Variants in DOCK3 observed in about 807,000 individuals in gnomAD.
DOCK3 encodes dedicator of cytokinesis protein 3.
DOCK3 carries 60 observed loss-of-function variants against 265.6 expected under a neutral mutation model. That is an observed-to-expected ratio of 0.23 (90% CI 0.18 to 0.28). The LOEUF (loss-of-function observed/expected upper bound fraction) is 0.28. DOCK3 is among the 10% of genes least tolerant of loss of function. The pLI is 1.00. For missense variants in DOCK3, 1,981 were observed against 2,594.3 expected (o/e 0.76, Z 5.14); for synonymous variants, 881 against 938.0 (o/e 0.94, Z 1.11).
At chr3:50,979,821 T>G (rs1444872572) in intron 5 of DOCK3, among the ~76,000 whole-genome samples, 1 of 152,252 alleles carries the variant, frequency 6.6e-6, no homozygotes, top group East Asian at 1.9e-4. Context: ...ACAACTTGAC[T>G]GAATTCATTT....
At position 50,882,084 on chromosome 3, in the gene DOCK3, T is replaced by A. The variant is rs182272549; in HGVS notation, c.163-7942T>A. Among the ~76,000 whole-genome samples, 31 of 152,218 alleles carry A rather than the reference T, an allele frequency of 2.0e-4. No homozygotes were observed. The East Asian group carries it at 6.0e-3, about 29-fold the overall frequency. ...CCATACATAGAAAGCTGAAACTGGA[T>A]CCCTTCCTTACACCTTTTACAAGAA... is the stretch of plus-strand genomic sequence containing the variant. On this transcript the variant is annotated intron_variant, in intron 3 of 52. Transcript: ENST00000266037.
intron 1 of DOCK3, among the ~76,000 whole-genome samples, chr3:50,767,030 A>G (rs1263031552): frequency 6.6e-6 from 1 of 152,030 alleles, no homozygotes; most frequent in African/African-American, 2.4e-5. Flanking sequence ...CCTTTGTCAG[A>G]TGGGTAGATT....
chr3:50,993,960 A>G (rs1268223599), intron 5 of DOCK3, among the ~76,000 whole-genome samples: 1 of 152,196 alleles, frequency 6.6e-6, no homozygotes, highest in Admixed American at 6.5e-5. Context: ...ATACAGGTCT[A>G]GAAAAGGCTA....
chr3:50,715,704 A>G (rs887041404), intron 1 of DOCK3, among the ~76,000 whole-genome samples: 2 of 152,192 alleles, frequency 1.3e-5, no homozygotes, highest in African/African-American at 4.8e-5. Flanking sequence ...CTGACTGCCC[A>G]TAGTTCCAAC....
intron 1 of DOCK3, among the ~76,000 whole-genome samples, chr3:50,695,087 C>T (rs907352997): frequency 3.3e-5 from 5 of 152,188 alleles, no homozygotes; most frequent in African/African-American, 9.7e-5. Flanking sequence ...TTTTTAGAAG[C>T]TTCTACATAT....
At chr3:50,875,976 G>C (rs758807003) in intron 3 of DOCK3, among the ~76,000 whole-genome samples, 9 of 151,888 alleles carry the variant, frequency 5.9e-5, no homozygotes, top group African/African-American at 1.2e-4. Flanking sequence ...AGCTCTACTG[G>C]AGCATTAAAA....
intron 22 of DOCK3, among the ~76,000 whole-genome samples, chr3:51,247,950 G>C (rs914167170): frequency 6.6e-6 from 1 of 152,212 alleles, no homozygotes; most frequent in African/African-American, 2.4e-5. Flanking sequence ...AAATGCAAAA[G>C]ATTCTATATG....
chr3:51,373,078 A>G (rs2087814917), intron 49 of DOCK3, among the ~76,000 whole-genome samples: 2 of 152,220 alleles, frequency 1.3e-5, no homozygotes, highest in African/African-American at 4.8e-5. Context: ...CATTACTGGT[A>G]TTTATTACGC....
At chr3:51,312,197 G>A (rs2083105377) in intron 29 of DOCK3, 118 bp downstream of exon 29, 1 of 944,652 alleles carries the variant, frequency 1.1e-6, no homozygotes, top group Admixed American at 2.2e-5. Flanking sequence ...TTCCAAGCCT[G>A]ATGATGATTA....
Position 50,785,904 on chromosome 3 carries a change from G to A in DOCK3, c.121+7146G>A, listed in dbSNP as rs542478024. Among the ~76,000 whole-genome samples the A allele has an allele frequency of 1.9e-4, 29 of 150,976 alleles. No homozygotes were observed. The South Asian group carries it at 5.0e-3, about 26-fold the overall frequency. On this transcript the variant is annotated intron_variant, in intron 2 of 52. Coordinates refer to ENST00000266037, the MANE Select transcript of DOCK3 (RefSeq NM_004947.5). Reference sequence around the variant, plus strand: ...ATTTTTACCAGTTCTTTGAATGGCTGATAGAATTCAGCTGTGAATCCTTCT... The same window carrying A: ...ATTTTTACCAGTTCTTTGAATGGCTAATAGAATTCAGCTGTGAATCCTTCT...
intron 9 of DOCK3, among the ~76,000 whole-genome samples, chr3:51,095,152 T>C (rs572039402): frequency 1.4e-3 from 216 of 152,282 alleles, no homozygotes; most frequent in African/African-American, 5.0e-3. Context: ...TCATTTAGCC[T>C]GTTTACATTT....
chr3:51,199,889 T>G (rs2088601069), intron 12 of DOCK3, among the ~76,000 whole-genome samples: 1 of 152,098 alleles, frequency 6.6e-6, no homozygotes, highest in Admixed American at 6.5e-5. Context: ...AAACCACTGT[T>G]CTGCAGACAC....
At position 50,686,187 on chromosome 3, in the gene DOCK3, C is replaced by T. The variant is rs142130098; in HGVS notation, c.37+10887C>T. 1.9e-3 allele frequency among the ~76,000 whole-genome samples: 293 copies of T among 151,828 alleles called. 2 individuals carry two copies. The highest frequency in any genetic ancestry group is 6.6e-3 in the African/African-American group (273 of 41,378). On this transcript the variant is annotated intron_variant, in intron 1 of 52. Coordinates refer to ENST00000266037, the MANE Select transcript of DOCK3 (RefSeq NM_004947.5). Reference sequence around the variant, plus strand: ...ACTAGATGGTCCCATCTGGGGGTGACGGAAGGCAGTGACACCAGAAGTGTG... The same window carrying T: ...ACTAGATGGTCCCATCTGGGGGTGATGGAAGGCAGTGACACCAGAAGTGTG...
In DOCK3 at chr3:51,160,635, A is replaced by G. The variant is rs2086079711; in HGVS notation, c.970A>G (p.Ile324Val). ...ACCATATGGCTGTGCGGTCCTAAGC[A>G]TCTTGGATGTCCTACAGTCACTCAC... ...RRPYGCAVLS[I>V]LDVLQSLTEV... Residue 324 changes from isoleucine to valine, a missense_variant, in exon 12 of 53, where the codon ATC (isoleucine) becomes GTC (valine). Around this residue, in one of 4 missense-constraint regions of DOCK3, gnomAD observed 456 missense variants for 539.0 expected, o/e 0.85. Transcript: ENST00000266037. The G allele has an allele frequency of 1.9e-6, 3 of 1,613,238 alleles. No individual in the cohort carries two copies. Among genetic ancestry groups the G allele is most frequent in the Non-Finnish European group, 2.5e-6 (3 of 1,179,534 alleles).
chr3:50,800,072 T>C (rs745624689), intron 2 of DOCK3, among the ~76,000 whole-genome samples: 2 of 152,234 alleles, frequency 1.3e-5, no homozygotes, highest in South Asian at 2.1e-4. Flanking sequence ...ATCTTTTTGA[T>C]ATGTTGTTGG....
At chr3:51,306,198 C>G (rs996866873) in intron 27 of DOCK3, among the ~76,000 whole-genome samples, 2 of 151,860 alleles carry the variant, frequency 1.3e-5, no homozygotes, top group Non-Finnish European at 2.9e-5. Flanking sequence ...GTTTTGCTGG[C>G]TGTAGGATTC....
intron 2 of DOCK3, among the ~76,000 whole-genome samples, chr3:50,797,375 G>A (rs2042847014): frequency 6.6e-6 from 1 of 152,230 alleles, no homozygotes; most frequent in Admixed American, 6.5e-5. Context: ...TGGTGCAAGG[G>A]CAGGGCATTG....
intron 5 of DOCK3, among the ~76,000 whole-genome samples, chr3:50,997,564 T>C (rs2078328150): frequency 6.6e-6 from 1 of 152,154 alleles, no homozygotes; most frequent in African/African-American, 2.4e-5. Context: ...TATTTTATAA[T>C]AAATAAAACA....
chr3:50,900,620 C>T, intron 4 of DOCK3: 1 of 424,752 alleles, frequency 2.4e-6, no homozygotes, highest in Non-Finnish European at 4.6e-6. Context: ...ATTTATCTAC[C>T]TTTGGTCTTT....
Sources: gnomAD v4.1 joint callset for allele counts (sites outside exome capture counted in the v4.1 genomes callset) on GRCh38, gnomAD v4.1.1 for gene constraint, gnomAD v4.1.1 regional missense constraint, MANE v1.5 for transcripts, NCBI Gene and HGNC (gene_info 2026-07-23, HGNC 2026-07-21) for gene names.